PAX3: variants seen among roughly 807,000 people sequenced by gnomAD.
PAX3 encodes paired box 3.
Under a neutral mutation model 51.6 loss-of-function variants are expected in PAX3, and 14 were observed. The ratio of observed to expected loss-of-function variants is 0.27; its 90% CI spans 0.18 to 0.42. PAX3 has a LOEUF of 0.42. PAX3 is among the 10% of genes least tolerant of loss of function. The pLI, the probability that PAX3 is intolerant of heterozygous loss-of-function variation, is 1.00. For synonymous variants in PAX3, 280 were observed against 253.4 expected, an observed-to-expected ratio of 1.11 and a Z score of -1.00; for missense variants, 540 against 642.8, an observed-to-expected ratio of 0.84 and a Z score of 1.73.
rs774863498 is a variant in PAX3, at chr2:222,294,309, C to T, written c.452-8G>A. On this transcript the variant is annotated splice_polypyrimidine_tract_variant and splice_region_variant and intron_variant, in intron 3 of 8. Coordinates refer to ENST00000392070, the MANE Select transcript of PAX3 (RefSeq NM_181458.4). ...TGCGGCTGATGGAACTCACTGGGGG[C>T]GGGAGGAGGAAGGAAGCAAGGGAGC... is the stretch of plus-strand genomic sequence containing the variant. 1 of 1,614,070 alleles carries T rather than the reference C, an allele frequency of 6.2e-7. No individual in the cohort carries two copies. The highest frequency in any genetic ancestry group is 8.5e-7 in the Non-Finnish European group (1 of 1,180,022).
At chr2:222,261,365 T>A (rs1187919184) in intron 4 of PAX3, among the ~76,000 whole-genome samples, 1 of 152,178 alleles carries the variant, frequency 6.6e-6, no homozygotes, top group Non-Finnish European at 1.5e-5. Flanking sequence ...TATTAAATTT[T>A]AATCCTATTT....
intron 4 of PAX3, among the ~76,000 whole-genome samples, chr2:222,251,351 G>A (rs1033650927): frequency 7.2e-5 from 11 of 151,890 alleles, no homozygotes; most frequent in Admixed American, 1.3e-4. Flanking sequence ...GAGAACATGC[G>A]GTATTTGGTT....
chr2:222,265,181 G>A (rs1693999096), intron 4 of PAX3: 1 of 152,244 alleles, frequency 6.6e-6, no homozygotes, highest in African/African-American at 2.4e-5. Context: ...ATCTAGCATA[G>A]AGTAGGCATT....
At chr2:222,215,549 G>C (rs1360005711) in intron 7 of PAX3, among the ~76,000 whole-genome samples, 1 of 151,828 alleles carries the variant, frequency 6.6e-6, no homozygotes, top group Non-Finnish European at 1.5e-5. Flanking sequence ...TGTTTTGGGG[G>C]TTTGGCTATG....
At position 222,221,299 on chromosome 2, in the gene PAX3, A is replaced by G. The variant is rs1574647943; in HGVS notation, c.881T>C (p.Phe294Ser). The stretch of plus-strand genomic sequence containing the variant: ...CAAGGTCGGCATGGCAGTGGGAGGG[A>G]ACCCCCCGGGAATGAGATGGTTGAA... ...MAFNHLIPGG[F>S]PPTAMPTLPT... is the part of the protein sequence containing the mutation. Residue 294 changes from phenylalanine to serine, a missense_variant, in exon 6 of 9, where the codon TTC becomes TCC. Phe to Ser is a radical substitution (Grantham distance 155, BLOSUM62 -2). Coordinates refer to ENST00000392070, the MANE Select transcript of PAX3 (RefSeq NM_181458.4). 6 of 1,613,950 alleles carry G rather than the reference A, an allele frequency of 3.7e-6. No homozygotes were observed. The highest frequency in any genetic ancestry group is 5.1e-6 in the Non-Finnish European group (6 of 1,179,922).
At chr2:222,255,196 T>C (rs12619478) in intron 4 of PAX3, among the ~76,000 whole-genome samples, 12 of 152,138 alleles carry the variant, frequency 7.9e-5, no homozygotes, top group Non-Finnish European at 1.8e-4. Context: ...GTGGGGAAGA[T>C]AATGTGCAGC....
chr2:222,253,008 C>T (rs1256127500), intron 4 of PAX3, among the ~76,000 whole-genome samples: 11 of 152,204 alleles, frequency 7.2e-5, no homozygotes, highest in Non-Finnish European at 2.9e-5. Context: ...TGTCACCTCA[C>T]TCCCCAATCC....
At chr2:222,289,733 C>T (rs1694961878) in intron 4 of PAX3, among the ~76,000 whole-genome samples, 1 of 152,192 alleles carries the variant, frequency 6.6e-6, no homozygotes, top group South Asian at 2.1e-4. Flanking sequence ...CTGGTGTTTC[C>T]TTTCAAATCG....
At chr2:222,230,777 C>T (rs969433981) in intron 5 of PAX3, among the ~76,000 whole-genome samples, 1 of 151,064 alleles carries the variant, frequency 6.6e-6, no homozygotes, top group Non-Finnish European at 1.5e-5. Flanking sequence ...ATCGCTTGAA[C>T]CCAGGAGGCA....
chr2:222,201,980 G>A lies in PAX3; in HGVS notation c.1384C>T (p.Pro462Ser). ...TYSTTGYSMDPVTGYQYGQYG... is the reference protein window; with the variant it reads ...TYSTTGYSMDSVTGYQYGQYG... The stretch of plus-strand genomic sequence containing the variant: ...TGCCCATATTGGTAGCCTGTGACAG[G>A]GTCCATACTGTAGCCTGTGGTGCTA... The change falls in exon 8 of 9, where the codon CCT (proline) becomes TCT (serine). Residue 462 changes from proline (P) to serine (S), a missense_variant. Pro to Ser is a moderately conservative substitution (Grantham distance 74, BLOSUM62 -1). Around this residue, in one of 3 missense-constraint regions of PAX3, gnomAD observed 427 missense variants for 483.6 expected, o/e 0.88. Transcript: ENST00000392070. The A allele has an allele frequency of 6.2e-7, 1 of 1,614,028 alleles. No homozygotes were observed. The highest frequency in any genetic ancestry group is 8.5e-7 in the Non-Finnish European group (1 of 1,179,978).
At position 222,272,361 on chromosome 2, in the gene PAX3, A is replaced by C. The variant is rs866494997; in HGVS notation, c.586+21806T>G. 1.1e-4 allele frequency among the ~76,000 whole-genome samples: 16 copies of C among 152,362 alleles called. No individual in the cohort carries two copies. In the South Asian group the frequency reaches 2.5e-3, roughly 24 times the overall value. Reference sequence around the variant, plus strand: ...CAACTAAAGAGGCTTAAAGGGGAAGAAAATGTGATCTAAACAAATCTCTAG... The same window carrying C: ...CAACTAAAGAGGCTTAAAGGGGAAGCAAATGTGATCTAAACAAATCTCTAG... On this transcript the variant is annotated intron_variant, in intron 4 of 8. Transcript: ENST00000392070.
intron 4 of PAX3, among the ~76,000 whole-genome samples, chr2:222,255,091 A>G (rs1351181372): frequency 6.6e-6 from 1 of 152,140 alleles, no homozygotes; most frequent in Non-Finnish European, 1.5e-5. Context: ...CAAGCTTTAC[A>G]TTTTTAACTC....
At chr2:222,224,128 TA>T (rs1260557317) in intron 5 of PAX3, among the ~76,000 whole-genome samples, 1 of 152,210 alleles carries the variant, frequency 6.6e-6, no homozygotes, top group Non-Finnish European at 1.5e-5. Flanking sequence ...TAAAATGATA[TA>T]AATAGGTAAC....
intron 4 of PAX3, among the ~76,000 whole-genome samples, chr2:222,281,895 G>T (rs1482330297): frequency 6.6e-6 from 1 of 152,168 alleles, no homozygotes; most frequent in Non-Finnish European, 1.5e-5. Flanking sequence ...GAAGGGAATT[G>T]AGGGCACCTT....
intron 7 of PAX3, among the ~76,000 whole-genome samples, chr2:222,217,851 A>C (rs549253462): frequency 3.5e-4 from 54 of 152,328 alleles, no homozygotes; most frequent in Non-Finnish European, 6.3e-4. Context: ...CAGTGTCATT[A>C]CAGAGAAGTG....
intron 7 of PAX3, among the ~76,000 whole-genome samples, chr2:222,216,123 T>C (rs1171877357): frequency 6.6e-6 from 1 of 152,164 alleles, no homozygotes; most frequent in Non-Finnish European, 1.5e-5. Flanking sequence ...CAGTCGAATA[T>C]CACTGGGGCA....
Position 222,294,209 on chromosome 2 carries a change from TCTC to T in PAX3, c.541_543del (p.Glu181del). The T allele has an allele frequency of 6.2e-7, 1 of 1,614,210 alleles. No individual in the cohort carries two copies. Among genetic ancestry groups the T allele is most frequent in the Non-Finnish European group, 8.5e-7 (1 of 1,180,036 alleles). On this transcript the variant is annotated inframe_deletion, in exon 4 of 9. Transcript: ENST00000392070. ...CCGTCGATGCTGTGTTTGGCCTTCTTCTCGCTTTCCTCTGCCTCCTTCCTCTCC... is the reference window on the plus strand; with the variant it reads ...CCGTCGATGCTGTGTTTGGCCTTCTTGCTTTCCTCTGCCTCCTTCCTCTCC...
chr2:222,201,004 C>A lies in PAX3; in HGVS notation c.*404G>T, dbSNP rs1691264899. On this transcript the variant is annotated 3_prime_UTR_variant, in exon 9 of 9. Transcript: ENST00000392070. ...TTCTATTATATTTTAGAACAGTCTG[C>A]TTGCCCAAACCAGTCTGGGTAAATC... is the stretch of plus-strand genomic sequence containing the variant. 1.5e-6 allele frequency: 1 copy of A among 683,346 alleles called. No individual in the cohort carries two copies. The highest frequency in any genetic ancestry group is 2.4e-5 in the Admixed American group (1 of 41,360). 42.3% of individuals were successfully genotyped at this position (683,346 alleles called of 1,614,324 possible).
intron 7 of PAX3, among the ~76,000 whole-genome samples, chr2:222,218,811 T>C (rs539339401): frequency 1.3e-5 from 2 of 152,364 alleles, no homozygotes; most frequent in African/African-American, 4.8e-5. Context: ...TCATAATTTT[T>C]TTTTTATCCC....
Sources: allele counts gnomAD v4.1 joint callset (sites outside exome capture counted in the v4.1 genomes callset), GRCh38; gene constraint gnomAD v4.1.1; regional missense constraint gnomAD v4.1.1; transcripts MANE v1.5; gene names NCBI Gene and HGNC (gene_info 2026-07-23, HGNC 2026-07-21).